Variants in KCTD7 observed in about 807,000 individuals in gnomAD.
The protein encoded by KCTD7 is BTB/POZ domain-containing protein KCTD7.
A neutral mutation model predicts 27.0 loss-of-function variants in KCTD7; 15 were observed. The ratio of observed to expected loss-of-function variants is 0.56; its 90% CI spans 0.37 to 0.86. The LOEUF (loss-of-function observed/expected upper bound fraction) is 0.86. Ranked by LOEUF, KCTD7 falls within the 40% of genes least tolerant of loss-of-function variation. KCTD7 has a pLI of 0.00. For missense variants in KCTD7, 299 were observed against 398.9 expected, an observed-to-expected ratio of 0.75 and a Z score of 2.13; for synonymous variants, 159 against 162.7, an observed-to-expected ratio of 0.98 and a Z score of 0.17.
rs1584400601 is a variant in KCTD7, at chr7:66,640,328, A to G, written c.*1096A>G. ...TCACTCCTCTATTTTTGTTTTACTC[A>G]CTTCTTTATATTTTGTTTTACTCCT... On this transcript the variant is annotated 3_prime_UTR_variant, in exon 4 of 4. Coordinates refer to ENST00000639828, the MANE Select transcript of KCTD7 (RefSeq NM_153033.5). 1 of 1,534,368 alleles carries G rather than the reference A, an allele frequency of 6.5e-7. No individual in the cohort carries two copies. Among genetic ancestry groups the G allele is most frequent in the Non-Finnish European group, 8.7e-7 (1 of 1,145,912 alleles).
chr7:66,629,267 G>T, intron 1 of KCTD7, 59 bp downstream of exon 1: 1 of 1,141,024 alleles, frequency 8.8e-7, no homozygotes, highest in African/African-American at 1.6e-5. Context: ...AGAAGCGGGC[G>T]CGGGGCATAG....
rs1281632337 is a variant in KCTD7, at chr7:66,640,597, G to A, written c.*1365G>A. 1.3e-5 allele frequency: 18 copies of A among 1,396,800 alleles called. No homozygotes were observed. Among genetic ancestry groups the A allele is most frequent in the Non-Finnish European group, 1.6e-5 (17 of 1,080,982 alleles). 86.5% of individuals were successfully genotyped at this position (1,396,800 alleles called of 1,614,324 possible). ...TTGTACCTGTCTCTTCCTGGGTAAAGGGAGATTTTTTTTTTTAATGTGTAA... is the reference window on the plus strand; with the variant it reads ...TTGTACCTGTCTCTTCCTGGGTAAAAGGAGATTTTTTTTTTTAATGTGTAA... On this transcript the variant is annotated 3_prime_UTR_variant, in exon 4 of 4. Coordinates refer to ENST00000639828, the MANE Select transcript of KCTD7 (RefSeq NM_153033.5).
In KCTD7 at chr7:66,638,883, C is replaced by T. The variant is rs1227838005; in HGVS notation, c.521C>T (p.Ala174Val). 1.2e-6 allele frequency: 2 copies of T among 1,614,118 alleles called. No homozygotes were observed. The highest frequency in any genetic ancestry group is 1.7e-6 in the Non-Finnish European group (2 of 1,180,036). The change falls in exon 4 of 4, where the codon GCC (alanine) becomes GTC (valine). Residue 174 changes from alanine (A) to valine (V), a missense_variant. Transcript: ENST00000639828. ...KDHLERIVEI[A>V]RLRAVQRKAR... is the part of the protein sequence containing the mutation. ...CACTTGGAGCGGATTGTGGAGATCG[C>T]CCGGCTGCGTGCGGTCCAGCGGAAG...
At position 66,639,606 on chromosome 7, in the gene KCTD7, C is replaced by G. The variant is rs1300995642; in HGVS notation, c.*374C>G. 9 of 1,350,790 alleles carry G rather than the reference C, an allele frequency of 6.7e-6. No individual in the cohort carries two copies. The highest frequency in any genetic ancestry group is 3.1e-5 in the East Asian group (1 of 32,522). The allele number at this position is 1,350,790 out of a possible 1,614,324, so 83.7% of individuals were successfully genotyped here. A position where few individuals can be genotyped will look rare whatever the true frequency, so the allele number is the denominator to read the frequency against. Reference sequence around the variant, plus strand: ...AGCCACGTTACCAAATCGATGTAGGCCTAATCACTTCCTCAACCCTGTTCA... The same window carrying G: ...AGCCACGTTACCAAATCGATGTAGGGCTAATCACTTCCTCAACCCTGTTCA... On this transcript the variant is annotated 3_prime_UTR_variant, in exon 4 of 4. Transcript: ENST00000639828.
At chr7:66,629,856 G>A (rs1465057880) in intron 1 of KCTD7, among the ~76,000 whole-genome samples, 1 of 152,298 alleles carries the variant, frequency 6.6e-6, no homozygotes, top group East Asian at 1.9e-4. Flanking sequence ...ATGTAGGCAC[G>A]GTCACCTGGC....
At chr7:66,633,020 T>C (rs1786489702) in intron 1 of KCTD7, among the ~76,000 whole-genome samples, 1 of 151,634 alleles carries the variant, frequency 6.6e-6, no homozygotes, top group African/African-American at 2.4e-5. Context: ...ATCACGCCAC[T>C]GCACTCCAGC....
Position 66,639,703 on chromosome 7 carries a change from C to T in KCTD7, c.*471C>T, listed in dbSNP as rs1433078688. The T allele has an allele frequency of 2.4e-6, 3 of 1,249,588 alleles. No homozygotes were observed. The highest frequency in any genetic ancestry group is 7.1e-5 in the South Asian group (2 of 28,076). 77.4% of individuals were successfully genotyped at this position (1,249,588 alleles called of 1,614,324 possible). Reference sequence around the variant, plus strand: ...GATGGGGGATTTACCTGACCAGCCACCCCATAGCCCCTGGCTGAAGAAGAA... The same window carrying T: ...GATGGGGGATTTACCTGACCAGCCATCCCATAGCCCCTGGCTGAAGAAGAA... On this transcript the variant is annotated 3_prime_UTR_variant, in exon 4 of 4. Transcript: ENST00000639828.
chr7:66,630,454 G>A (rs1164850134), intron 1 of KCTD7, among the ~76,000 whole-genome samples: 1 of 152,030 alleles, frequency 6.6e-6, no homozygotes, highest in Non-Finnish European at 1.5e-5. Flanking sequence ...GGAAGGTGAA[G>A]CATTACTGGA....
intron 1 of KCTD7, among the ~76,000 whole-genome samples, chr7:66,631,131 C>T (rs761985605): frequency 4.6e-5 from 7 of 152,120 alleles, no homozygotes; most frequent in Admixed American, 6.6e-5. Context: ...TTCATTCATT[C>T]GGTGAATTTT....
At position 66,642,469 on chromosome 7, in the gene KCTD7, G is replaced by A. The variant is rs763823588; in HGVS notation, c.*3237G>A. ...GAAGTGACATTTATAAGACACAGGC[G>A]GTGTGAGCATCCATGTGTGGTCTTG... On this transcript the variant is annotated 3_prime_UTR_variant, in exon 4 of 4. Coordinates refer to ENST00000639828, the MANE Select transcript of KCTD7 (RefSeq NM_153033.5). The A allele has an allele frequency of 2.0e-5, 20 of 985,410 alleles. No homozygotes were observed. Among genetic ancestry groups the A allele is most frequent in the Non-Finnish European group, 2.4e-5 (20 of 829,936 alleles). 61.0% of individuals were successfully genotyped at this position (985,410 alleles called of 1,614,324 possible).
At chr7:66,634,424 T>C (rs998745504) in intron 2 of KCTD7, among the ~76,000 whole-genome samples, 17 of 152,000 alleles carry the variant, frequency 1.1e-4, no homozygotes, top group African/African-American at 3.9e-4. Flanking sequence ...ATGTAGTGGT[T>C]GTTCACCAGT....
Position 66,639,426 on chromosome 7 carries a change from G to A in KCTD7, c.*194G>A. On this transcript the variant is annotated 3_prime_UTR_variant, in exon 4 of 4. Coordinates refer to ENST00000639828, the MANE Select transcript of KCTD7 (RefSeq NM_153033.5). ...ACTGCACCTCAGGGTTGGGCTCAGG[G>A]CTTGCGGCCTGCAGGCACTCCAGCC... 1 of 1,474,166 alleles carries A rather than the reference G, an allele frequency of 6.8e-7. No homozygotes were observed. Among genetic ancestry groups the A allele is most frequent in the Admixed American group, 2.2e-5 (1 of 45,382 alleles). 91.3% of individuals were successfully genotyped at this position (1,474,166 alleles called of 1,614,324 possible). A position where few individuals can be genotyped will look rare whatever the true frequency, so the allele number is the denominator to read the frequency against.
intron 2 of KCTD7, among the ~76,000 whole-genome samples, chr7:66,634,113 C>CATATAT (rs3069693): frequency 0.085 from 11,254 of 132,030 alleles, 514 homozygotes; most frequent in Non-Finnish European, 0.095. Context: ...TGTGTGTATA[C>CATATAT]ATATATATAT....
intron 1 of KCTD7, among the ~76,000 whole-genome samples, chr7:66,632,488 CAAAAAAA>C (rs79868578): frequency 4.4e-4 from 23 of 52,610 alleles, no homozygotes; most frequent in African/African-American, 1.3e-3. Flanking sequence ...GACTCCGTCT[CAAAAAAA>C]AAAAAAAAAA....
Position 66,633,357 on chromosome 7 carries a change from T to C in KCTD7, c.227T>C (p.Met76Thr), listed in dbSNP as rs138642014. ...LSTLRCYEDTMLAAMFSGRHY... is the reference protein window; with the variant it reads ...LSTLRCYEDTTLAAMFSGRHY... ...ACACTGCGGTGCTACGAAGACACCA[T>C]GTTGGCAGCCATGTTCAGTGGGCGG... The change falls in exon 2 of 4, where the codon ATG becomes ACG. Residue 76 changes from methionine to threonine, a missense_variant. Met to Thr is a moderately conservative substitution (Grantham distance 81). Transcript: ENST00000639828. 1 of 1,613,996 alleles carries C rather than the reference T, an allele frequency of 6.2e-7. No homozygotes were observed. Among genetic ancestry groups the C allele is most frequent in the African/African-American group, 1.3e-5 (1 of 75,014 alleles).
At chr7:66,634,125 T>A in intron 2 of KCTD7, among the ~76,000 whole-genome samples, 1 of 146,092 alleles carries the variant, frequency 6.8e-6, no homozygotes. Flanking sequence ...TATATATATA[T>A]ATATATATAT....
intron 2 of KCTD7, among the ~76,000 whole-genome samples, chr7:66,636,878 A>C (rs1220513400): frequency 6.6e-6 from 1 of 152,232 alleles, no homozygotes; most frequent in African/African-American, 2.4e-5. Flanking sequence ...CAGTTTGTTC[A>C]GACATTAGAG....
At position 66,640,151 on chromosome 7, in the gene KCTD7, G is replaced by T; in HGVS notation, c.*919G>T. 1 of 1,362,010 alleles carries T rather than the reference G, an allele frequency of 7.3e-7. No homozygotes were observed. The highest frequency in any genetic ancestry group is 9.4e-7 in the Non-Finnish European group (1 of 1,063,750). 84.4% of individuals were successfully genotyped at this position (1,362,010 alleles called of 1,614,324 possible). ...GTTTGTGGTGAACCTCTTTGGAAGG[G>T]GACCCCCTCTCTTTAAACCCTGTTC... On this transcript the variant is annotated 3_prime_UTR_variant, in exon 4 of 4. Transcript: ENST00000639828.
rs1181014085 is a variant in KCTD7 at position 66,628,963 on chromosome 7, G to A, written c.-102G>A. 11 of 1,241,108 alleles carry A rather than the reference G, an allele frequency of 8.9e-6. No individual in the cohort carries two copies. Among genetic ancestry groups the A allele is most frequent in the Non-Finnish European group, 1.2e-5 (11 of 940,178 alleles). 76.9% of individuals were successfully genotyped at this position (1,241,108 alleles called of 1,614,324 possible). Reference sequence around the variant, plus strand: ...CCTCTCGCCCCCCTCCGGCCAGCCCGCAGCCGGCCGCGTCATGCCAGGCGC... The same window carrying A: ...CCTCTCGCCCCCCTCCGGCCAGCCCACAGCCGGCCGCGTCATGCCAGGCGC... On this transcript the variant is annotated 5_prime_UTR_variant, in exon 1 of 4. Transcript: ENST00000639828.
Sources: gnomAD v4.1 joint callset for allele counts (sites outside exome capture counted in the v4.1 genomes callset) on GRCh38, gnomAD v4.1.1 for gene constraint, MANE v1.5 for transcripts, NCBI Gene and HGNC (gene_info 2026-07-23, HGNC 2026-07-21) for gene names.